SYNE1: variants seen among roughly 807,000 people sequenced by gnomAD.
SYNE1 encodes the protein spectrin repeat containing nuclear envelope protein 1, also known as nesprin-1.
SYNE1 carries 616 observed loss-of-function variants against 1,111.0 expected under a neutral mutation model. That is an observed-to-expected ratio of 0.55 (90% CI 0.52 to 0.59). SYNE1 has a LOEUF of 0.59. Among genes scored for constraint, SYNE1 ranks in the 20% least tolerant of loss-of-function variants. The pLI is 0.00. For missense variants in SYNE1, 10,006 were observed against 10,417.0 expected (o/e 0.96, Z 1.72); for synonymous variants, 3,855 against 3,825.8 (o/e 1.01, Z -0.28).
chr6:152,390,161 T>C (rs1398586500), intron 53 of SYNE1, 119 bp downstream of exon 53: 8 of 1,054,518 alleles, frequency 7.6e-6, no homozygotes, highest in Non-Finnish European at 1.1e-5. Context: ...AAGACAGGCA[T>C]GCCTACAAGC....
intron 127 of SYNE1, among the ~76,000 whole-genome samples, chr6:152,189,875 T>C (rs1423328385): frequency 6.6e-6 from 1 of 152,216 alleles, no homozygotes; most frequent in African/African-American, 2.4e-5. Context: ...GGCAATTTCT[T>C]AAAATAAGAC....
chr6:152,538,538 C>G (rs549859547), intron 4 of SYNE1, among the ~76,000 whole-genome samples: 13 of 151,310 alleles, frequency 8.6e-5, no homozygotes, highest in Non-Finnish European at 1.8e-4. Flanking sequence ...CTTTTACTTT[C>G]TTTACACTTT....
At chr6:152,211,460 A>C (rs372991567) in intron 124 of SYNE1, 34 bp downstream of exon 124, 2 of 1,564,768 alleles carry the variant, frequency 1.3e-6, no homozygotes, top group Non-Finnish European at 1.8e-6. Context: ...ATTTACTGGA[A>C]CCTTTCTTTG....
intron 14 of SYNE1, among the ~76,000 whole-genome samples, chr6:152,477,372 AG>A (rs2098841140): frequency 6.6e-6 from 1 of 152,318 alleles, no homozygotes; most frequent in African/African-American, 2.4e-5. Context: ...GTGGATGAAG[AG>A]GGGACCTTTT....
chr6:152,149,807 AAG>A, intron 135 of SYNE1, 139 bp from the exon 136 acceptor site: 1 of 750,472 alleles, frequency 1.3e-6, no homozygotes, highest in Non-Finnish European at 2.3e-6. Context: ...ATCACAAGAC[AAG>A]AGTCTATTAC....
At chr6:152,437,132 C>T (rs954842521) in intron 32 of SYNE1, among the ~76,000 whole-genome samples, 3 of 151,614 alleles carry the variant, frequency 2.0e-5, no homozygotes, top group African/African-American at 7.3e-5. Flanking sequence ...CCAGCCCAGG[C>T]AACAGAGCAA....
chr6:152,235,420 G>A (rs1263872225), intron 110 of SYNE1, among the ~76,000 whole-genome samples: 3 of 151,214 alleles, frequency 2.0e-5, no homozygotes, highest in Non-Finnish European at 3.0e-5. Flanking sequence ...GGAGTGCAAT[G>A]GCGCAATCTT....
intron 17 of SYNE1, 112 bp downstream of exon 17, chr6:152,465,869 CA>C: frequency 1.3e-6 from 1 of 784,820 alleles, no homozygotes. Context: ...TGGCCAATGG[CA>C]AGGTCACTCA....
At chr6:152,316,408 T>C in intron 87 of SYNE1, 1 of 204,220 alleles carries the variant, frequency 4.9e-6, no homozygotes, top group African/African-American at 2.4e-5. Context: ...GAAGACAGAA[T>C]TCAGAGAGGC....
At chr6:152,625,763 A>G (rs1382657247) in intron 3 of SYNE1, among the ~76,000 whole-genome samples, 1 of 152,208 alleles carries the variant, frequency 6.6e-6, no homozygotes, top group African/African-American at 2.4e-5. Context: ...AAATCCGGAT[A>G]GTTAGAAAAA....
intron 130 of SYNE1, chr6:152,168,133 A>T (rs370019471): frequency 6.4e-6 from 5 of 779,454 alleles, no homozygotes; most frequent in Non-Finnish European, 1.2e-5. Context: ...CGCAGTTACA[A>T]TCTGGGAGAT....
intron 65 of SYNE1, among the ~76,000 whole-genome samples, chr6:152,359,048 A>G (rs977564450): frequency 1.1e-4 from 16 of 152,366 alleles, no homozygotes; most frequent in African/African-American, 2.6e-4. Flanking sequence ...TGAGTCTTCA[A>G]TTGAAGGTGT....
In SYNE1 at chr6:152,234,810, A is replaced by G; in HGVS notation, c.20397-10T>C. 6.2e-7 allele frequency: 1 copy of G among 1,614,024 alleles called. No individual in the cohort carries two copies. ...AGATTCACTTTGATATCTGTTAAGT[A>G]TATTATGGAGTCCATTAAGTAAACA... On this transcript the variant is annotated splice_polypyrimidine_tract_variant and intron_variant, in intron 110 of 145. Transcript: ENST00000367255.
At chr6:152,582,486 C>G (rs185695408) in intron 3 of SYNE1, among the ~76,000 whole-genome samples, 1 of 151,760 alleles carries the variant, frequency 6.6e-6, no homozygotes, top group African/African-American at 2.4e-5. Flanking sequence ...TATATATATA[C>G]ACACACACAT....
chr6:152,472,451 C>T, intron 14 of SYNE1, 38 bp from the exon 15 acceptor site: 1 of 1,570,040 alleles, frequency 6.4e-7, no homozygotes, highest in Non-Finnish European at 8.8e-7. Context: ...AAATGAAAAA[C>T]ATGTTTCACA....
At chr6:152,414,382 C>T (rs546495879) in intron 41 of SYNE1, among the ~76,000 whole-genome samples, 83 of 152,082 alleles carry the variant, frequency 5.5e-4, no homozygotes, top group African/African-American at 1.9e-3. Flanking sequence ...GCACTCTAGC[C>T]TGGGTGACAG....
At chr6:152,138,253 G>T (rs1269581041) in intron 140 of SYNE1, among the ~76,000 whole-genome samples, 1 of 152,120 alleles carries the variant, frequency 6.6e-6, no homozygotes, top group African/African-American at 2.4e-5. Flanking sequence ...GCTCATGCTT[G>T]TAATCCCAGC....
chr6:152,269,303 A>G lies in SYNE1; in HGVS notation c.18574-17T>C. On this transcript the variant is annotated splice_polypyrimidine_tract_variant and intron_variant, in intron 98 of 145. Coordinates refer to ENST00000367255, the MANE Select transcript of SYNE1 (RefSeq NM_182961.4). ...TGCTGTTCCCTGCTTTTAACGAGGC[A>G]GAAATCAAGTCATGCTACACACCGG... 1 of 1,614,050 alleles carries G rather than the reference A, an allele frequency of 6.2e-7. No individual in the cohort carries two copies. The highest frequency in any genetic ancestry group is 8.5e-7 in the Non-Finnish European group (1 of 1,180,026).
chr6:152,447,772 T>C, intron 28 of SYNE1, 150 bp from the exon 29 acceptor site: 1 of 892,346 alleles, frequency 1.1e-6, no homozygotes. Context: ...AGTTTACTTT[T>C]TGTATGTACT....
Sources: gnomAD v4.1 joint callset for allele counts (sites outside exome capture counted in the v4.1 genomes callset) on GRCh38, gnomAD v4.1.1 for gene constraint, MANE v1.5 for transcripts, NCBI Gene and HGNC (gene_info 2026-07-23, HGNC 2026-07-21) for gene names.